Variants in UTY observed in about 807,000 individuals in gnomAD.
UTY encodes the protein histone demethylase UTY.
Under a neutral mutation model 32.5 loss-of-function variants are expected in UTY, and 12 were observed. The ratio of observed to expected loss-of-function variants is 0.37; its 90% CI spans 0.24 to 0.60. The LOEUF is 0.60. Among genes scored for constraint, UTY ranks in the 20% least tolerant of loss-of-function variants. UTY has a pLI of 0.69. For synonymous variants in UTY, 131 were observed against 103.4 expected, an observed-to-expected ratio of 1.27 and a Z score of -1.62; for missense variants, 303 against 299.2, an observed-to-expected ratio of 1.01 and a Z score of -0.09.
downstream of UTY, among the ~76,000 whole-genome samples, chrY:13,234,055 A>C (rs1324576606): frequency 2.9e-5 from 1 of 34,073 alleles, no homozygotes; most frequent in Non-Finnish European, 7.3e-5. Context: ...CTTTTGCCCA[A>C]GTTTTGCTCA....
intron 29 of UTY, among the ~76,000 whole-genome samples, chrY:13,250,251 T>A (rs2054037831): frequency 3.0e-5 from 1 of 33,628 alleles, no homozygotes; most frequent in Non-Finnish European, 7.3e-5. Context: ...ACTCCTGACC[T>A]CAGGTGATCT....
At chrY:13,443,054 T>C (rs2075355729) in intron 4 of UTY, among the ~76,000 whole-genome samples, 1 of 33,289 alleles carries the variant, frequency 3.0e-5, no homozygotes, top group Non-Finnish European at 7.4e-5. Context: ...ATGTGCATCA[T>C]CAGGAACAGG....
intron 27 of UTY, among the ~76,000 whole-genome samples, chrY:13,275,692 CCTCA>C (rs2056633198): frequency 6.0e-5 from 2 of 33,289 alleles, no homozygotes; most frequent in South Asian, 6.7e-4. Flanking sequence ...AGGTTCTGTT[CCTCA>C]CTAAGATTTT....
At chrY:13,410,218 G>A (rs993376263) in intron 6 of UTY, among the ~76,000 whole-genome samples, 14 of 33,385 alleles carry the variant, frequency 4.2e-4, no homozygotes, top group Non-Finnish European at 8.9e-4. Context: ...GTAAAATTAA[G>A]ATAATCTACA....
At chrY:13,285,967 A>G in intron 27 of UTY, among the ~76,000 whole-genome samples, 1 of 34,002 alleles carries the variant, frequency 2.9e-5, no homozygotes, top group Non-Finnish European at 7.3e-5. Context: ...CAGAGAGCCC[A>G]GTTAAACATA....
chrY:13,420,603 A>C, intron 4 of UTY, among the ~76,000 whole-genome samples: 1 of 33,208 alleles, frequency 3.0e-5, no homozygotes, highest in Non-Finnish European at 7.4e-5. Flanking sequence ...TAGTTACAAA[A>C]GTCATAGATG....
intron 13 of UTY, 51 bp from the exon 14 acceptor site, chrY:13,358,670 C>G: frequency 3.5e-6 from 1 of 289,280 alleles, no homozygotes; most frequent in South Asian, 4.4e-5. Context: ...ATTCCTAATT[C>G]ACTCCTTCAA....
At chrY:13,446,559 T>TG (rs2075796570) in intron 4 of UTY, among the ~76,000 whole-genome samples, 1 of 4,367 alleles carries the variant, frequency 2.3e-4, no homozygotes, top group Non-Finnish European at 4.1e-4. Flanking sequence ...GTGAGATAGA[T>TG]AGATAGATAG....
intron 17 of UTY, among the ~76,000 whole-genome samples, chrY:13,341,745 C>T (rs2149096944): frequency 3.1e-5 from 1 of 32,732 alleles, no homozygotes; most frequent in South Asian, 7.0e-4. Context: ...GTGGAGCATT[C>T]GGTAGGAACT....
At chrY:13,280,850 G>A (rs2056970506) in intron 27 of UTY, among the ~76,000 whole-genome samples, 1 of 31,832 alleles carries the variant, frequency 3.1e-5, no homozygotes, top group Non-Finnish European at 7.6e-5. Context: ...ATGATCTTAG[G>A]CCTTTAAGAA....
chrY:13,314,346 G>A (rs2059364606), intron 21 of UTY, among the ~76,000 whole-genome samples: 1 of 33,251 alleles, frequency 3.0e-5, no homozygotes, highest in Non-Finnish European at 7.4e-5. Context: ...CCCAGGAGGT[G>A]GAGCTTGCAG....
At chrY:13,350,517 T>C in intron 17 of UTY, among the ~76,000 whole-genome samples, 1 of 33,318 alleles carries the variant, frequency 3.0e-5, no homozygotes. Context: ...TATATCTGTA[T>C]ATAAAAAGAA....
intron 27 of UTY, among the ~76,000 whole-genome samples, chrY:13,274,961 T>C (rs2148556440): frequency 3.1e-5 from 1 of 32,662 alleles, no homozygotes; most frequent in East Asian, 7.8e-4. Flanking sequence ...ATTACTGTAT[T>C]AAAGATGCAG....
chrY:13,472,285 A>G (rs2150330574), intron 2 of UTY, among the ~76,000 whole-genome samples: 8 of 32,864 alleles, frequency 2.4e-4, no homozygotes, highest in African/African-American at 9.6e-4. Flanking sequence ...AAGAAGACAC[A>G]TAATAGTCAA....
rs907334882 is a variant in UTY at position 13,297,161 on chromosome Y, A to G, written c.4010+546T>C. ...CAAGCTGTACAAGAAATATGGGACC[A>G]GCATCTGCTTCTGGTGAGGGCTTTG... is the stretch of plus-strand genomic sequence containing the variant. On this transcript the variant is annotated intron_variant, in intron 27 of 29. Coordinates refer to ENST00000545955, the MANE Select transcript of UTY (RefSeq NM_001258249.2). Among the ~76,000 whole-genome samples the G allele has an allele frequency of 2.1e-4, 7 of 33,699 alleles. No individual in the cohort carries two copies. In the South Asian group the frequency reaches 4.6e-3, roughly 22 times the overall value. The allele number at this position is 33,699 out of a possible 37,273, so 90.4% of individuals were successfully genotyped here. A position where few individuals can be genotyped will look rare whatever the true frequency, so the allele number is the denominator to read the frequency against.
chrY:13,466,211 G>A, intron 3 of UTY, among the ~76,000 whole-genome samples: 1 of 33,158 alleles, frequency 3.0e-5, no homozygotes, highest in African/African-American at 1.2e-4. Flanking sequence ...GCTAATGGAT[G>A]CTGGGCTTAA....
chrY:13,330,882 C>T, intron 18 of UTY, among the ~76,000 whole-genome samples: 1 of 33,444 alleles, frequency 3.0e-5, no homozygotes, highest in South Asian at 6.6e-4. Context: ...GGAGGCCAGG[C>T]GGTTTGGATT....
intron 3 of UTY, among the ~76,000 whole-genome samples, chrY:13,451,101 T>G: frequency 3.0e-5 from 1 of 33,478 alleles, no homozygotes; most frequent in Non-Finnish European, 7.4e-5. Flanking sequence ...GAGCAAAGGT[T>G]CAACTCTAGT....
intron 10 of UTY, among the ~76,000 whole-genome samples, chrY:13,362,249 G>C (rs2149284098): frequency 6.0e-5 from 2 of 33,455 alleles, no homozygotes; most frequent in Non-Finnish European, 1.5e-4. Flanking sequence ...AAAGCACAGG[G>C]TATATTTGAG....
Sources: allele counts gnomAD v4.1 joint callset (sites outside exome capture counted in the v4.1 genomes callset), GRCh38; gene constraint gnomAD v4.1.1; transcripts MANE v1.5; gene names NCBI Gene and HGNC (gene_info 2026-07-23, HGNC 2026-07-21).